ATG5: variants seen among roughly 807,000 people sequenced by gnomAD.
ATG5 encodes the protein autophagy protein 5.
Under a neutral mutation model 36.5 loss-of-function variants are expected in ATG5, and 14 were observed. The ratio of observed to expected loss-of-function variants is 0.38; its 90% confidence interval spans 0.25 to 0.60. The LOEUF is 0.60. ATG5 is among the 20% of genes least tolerant of loss of function. ATG5 has a pLI of 0.60. For synonymous variants in ATG5, 95 were observed against 101.5 expected (o/e 0.94, Z 0.38); for missense variants, 195 against 326.7 (o/e 0.60, Z 3.11).
intron 5 of ATG5, among the ~76,000 whole-genome samples, chr6:106,258,858 C>A (rs1031618907): frequency 6.6e-6 from 1 of 152,148 alleles, no homozygotes; most frequent in African/African-American, 2.4e-5. Context: ...AGTAATTCAA[C>A]AAATCTCATC....
intron 6 of ATG5, among the ~76,000 whole-genome samples, chr6:106,204,570 CATGT>C (rs1046016866): frequency 2.1e-4 from 32 of 152,090 alleles, no homozygotes; most frequent in African/African-American, 7.5e-4. Context: ...CTGTAATCCC[CATGT>C]GTCGAGGGAG....
intron 7 of ATG5, among the ~76,000 whole-genome samples, chr6:106,188,391 T>C (rs113109675): frequency 1.3e-5 from 2 of 152,186 alleles, no homozygotes; most frequent in Non-Finnish European, 2.9e-5. Flanking sequence ...AATGAAAGAA[T>C]AGTGGTGTAA....
intron 1 of ATG5, among the ~76,000 whole-genome samples, chr6:106,322,878 C>T (rs539345828): frequency 6.6e-6 from 1 of 152,286 alleles, no homozygotes; most frequent in Admixed American, 6.5e-5. Flanking sequence ...ATATGCAAAA[C>T]GGAAAACCAT....
chr6:106,261,298 G>C (rs1200920889), intron 5 of ATG5, among the ~76,000 whole-genome samples: 3 of 152,190 alleles, frequency 2.0e-5, no homozygotes, highest in Non-Finnish European at 2.9e-5. Flanking sequence ...CCATCATCCA[G>C]AAACAGTTAT....
At chr6:106,303,002 A>T (rs1341337780) in intron 3 of ATG5, among the ~76,000 whole-genome samples, 2 of 152,076 alleles carry the variant, frequency 1.3e-5, no homozygotes, top group African/African-American at 2.4e-5. Context: ...ACTACAATTT[A>T]AAAAAGAAAT....
At chr6:106,256,763 T>C (rs1488289148) in intron 5 of ATG5, among the ~76,000 whole-genome samples, 1 of 152,196 alleles carries the variant, frequency 6.6e-6, no homozygotes, top group African/African-American at 2.4e-5. Flanking sequence ...CAATGGAGCT[T>C]GCAGGGCTGA....
intron 6 of ATG5, among the ~76,000 whole-genome samples, chr6:106,230,067 A>G (rs1777615582): frequency 6.6e-6 from 1 of 152,216 alleles, no homozygotes; most frequent in African/African-American, 2.4e-5. Context: ...AACTCCCTTC[A>G]GGACAGGATG....
At chr6:106,205,169 G>C (rs1471049728) in intron 6 of ATG5, among the ~76,000 whole-genome samples, 2 of 152,138 alleles carry the variant, frequency 1.3e-5, no homozygotes, top group Non-Finnish European at 2.9e-5. Context: ...ACCAAAACCA[G>C]AATGACTGGT....
At chr6:106,293,982 T>G (rs1367470243) in intron 3 of ATG5, among the ~76,000 whole-genome samples, 2 of 152,094 alleles carry the variant, frequency 1.3e-5, no homozygotes, top group Non-Finnish European at 2.9e-5. Flanking sequence ...TTTTTTTTCT[T>G]CAAATTTTGG....
In ATG5 at chr6:106,248,081, A is replaced by G; in HGVS notation, c.573+69T>C. Reference sequence around the variant, plus strand: ...TTACTATGCAGACAAAGAGTTCTACACTAGAGTGCTTCAATTAAGATGTCT... The same window carrying G: ...TTACTATGCAGACAAAGAGTTCTACGCTAGAGTGCTTCAATTAAGATGTCT... On this transcript the variant is annotated intron_variant, in intron 6 of 7. Transcript: ENST00000369076. 2.5e-6 allele frequency: 3 copies of G among 1,213,516 alleles called. 1 individual carries two copies. In the East Asian group the frequency reaches 7.0e-5, roughly 28 times the overall value. The allele number at this position is 1,213,516 out of a possible 1,614,324, so 75.2% of individuals were successfully genotyped here.
intron 5 of ATG5, among the ~76,000 whole-genome samples, chr6:106,248,799 G>T (rs527599241): frequency 1.3e-5 from 2 of 152,058 alleles, no homozygotes; most frequent in African/African-American, 4.8e-5. Flanking sequence ...TTAGCCAGGC[G>T]TGGTGGTGCA....
intron 3 of ATG5, among the ~76,000 whole-genome samples, chr6:106,306,704 T>C (rs1212583044): frequency 1.3e-5 from 2 of 152,188 alleles, no homozygotes; most frequent in Non-Finnish European, 2.9e-5. Context: ...TAGCTAGAAA[T>C]GTCAAGTGCA....
intron 5 of ATG5, among the ~76,000 whole-genome samples, chr6:106,270,931 ATTTACTGACT>A (rs914472703): frequency 6.6e-6 from 1 of 152,090 alleles, no homozygotes; most frequent in Non-Finnish European, 1.5e-5. Context: ...TAAGCCCCAA[ATTTACTGACT>A]TTTCTCCATC....
At chr6:106,240,810 G>A (rs1051897866) in intron 6 of ATG5, among the ~76,000 whole-genome samples, 1 of 152,046 alleles carries the variant, frequency 6.6e-6, no homozygotes, top group Non-Finnish European at 1.5e-5. Flanking sequence ...AGTGAATACT[G>A]AACAAATTAC....
intron 6 of ATG5, among the ~76,000 whole-genome samples, chr6:106,240,769 T>C (rs1386032391): frequency 1.3e-5 from 2 of 152,140 alleles, no homozygotes; most frequent in Non-Finnish European, 2.9e-5. Context: ...CTGTTTATAA[T>C]GGTAAAAACT....
At chr6:106,323,260 CT>C (rs71274321) in intron 1 of ATG5, among the ~76,000 whole-genome samples, 10,771 of 63,932 alleles carry the variant, frequency 0.17, 774 homozygotes, top group African/African-American at 0.25. Context: ...TGGAAAAGTC[CT>C]TTTTTTTTTT....
chr6:106,279,317 C>A (rs1466834455), intron 5 of ATG5, among the ~76,000 whole-genome samples: 1 of 152,272 alleles, frequency 6.6e-6, no homozygotes, highest in South Asian at 2.1e-4. Context: ...TTTGTACATA[C>A]CCAGAATTTT....
chr6:106,277,818 A>G (rs532762273), intron 5 of ATG5, among the ~76,000 whole-genome samples: 11 of 152,360 alleles, frequency 7.2e-5, no homozygotes, highest in Non-Finnish European at 7.4e-5. Flanking sequence ...CGTCTCAACA[A>G]AACAAAACAA....
chr6:106,299,659 A>C (rs1282351999), intron 3 of ATG5, among the ~76,000 whole-genome samples: 2 of 152,054 alleles, frequency 1.3e-5, no homozygotes, highest in Non-Finnish European at 2.9e-5. Flanking sequence ...TTTATTCATT[A>C]CTCCATTTAT....
Sources: gnomAD v4.1 joint callset for allele counts (sites outside exome capture counted in the v4.1 genomes callset) on GRCh38, gnomAD v4.1.1 for gene constraint, MANE v1.5 for transcripts, NCBI Gene and HGNC (gene_info 2026-07-23, HGNC 2026-07-21) for gene names.